The following PARD3B variants were observed in gnomAD, a reference collection of about 807,000 sequenced individuals.
The protein encoded by PARD3B is partitioning defective 3 homolog B.
In PARD3B, 103 loss-of-function variants were observed where a neutral mutation model predicts 130.2. The observed-to-expected ratio is 0.79, with a 90% CI of 0.67 to 0.93. The LOEUF is 0.93. Among genes scored for constraint, PARD3B ranks in the 40% least tolerant of loss-of-function variants. The pLI, the probability that PARD3B is intolerant of heterozygous loss-of-function variation, is 0.00. For synonymous variants in PARD3B, 583 were observed against 553.2 expected (o/e 1.05, Z -0.76); for missense variants, 1,609 against 1,499.2 (o/e 1.07, Z -1.21).
At chr2:204,774,385 C>G (rs2878473) in intron 2 of PARD3B, among the ~76,000 whole-genome samples, 1 of 151,786 alleles carries the variant, frequency 6.6e-6, no homozygotes, top group Non-Finnish European at 1.5e-5. Flanking sequence ...ATGAAAATTC[C>G]AAGAACTAAG....
At chr2:205,092,290 G>A (rs1398231216) in intron 4 of PARD3B, among the ~76,000 whole-genome samples, 1 of 152,168 alleles carries the variant, frequency 6.6e-6, no homozygotes, top group Non-Finnish European at 1.5e-5. Context: ...TTCCAGAGGA[G>A]GAAACAGGAA....
At chr2:204,923,448 TTTAA>T in intron 2 of PARD3B, among the ~76,000 whole-genome samples, 1 of 152,124 alleles carries the variant, frequency 6.6e-6, no homozygotes, top group South Asian at 2.1e-4. Flanking sequence ...CTTTTTAATT[TTTAA>T]TTAGATTTTA....
intron 15 of PARD3B, among the ~76,000 whole-genome samples, chr2:205,213,386 C>T (rs191697283): frequency 7.6e-4 from 115 of 152,144 alleles, no homozygotes; most frequent in Admixed American, 2.7e-3. Flanking sequence ...AGGTTATAAG[C>T]TTCTACAGGT....
intron 22 of PARD3B, among the ~76,000 whole-genome samples, chr2:205,586,796 G>A (rs879286936): frequency 8.5e-5 from 13 of 152,052 alleles, no homozygotes; most frequent in South Asian, 2.1e-4. Context: ...CTAGCATGGC[G>A]TAATAGTTTT....
intron 2 of PARD3B, among the ~76,000 whole-genome samples, chr2:204,861,162 TTC>T (rs60740602): frequency 0.084 from 7,645 of 90,642 alleles, 334 homozygotes; most frequent in Admixed American, 0.12. Flanking sequence ...CCTAATACCT[TTC>T]TCTCTCTCTC....
chr2:205,616,113 A>C lies in PARD3B; in HGVS notation c.*300A>C, dbSNP rs2055425341. 5.7e-6 allele frequency: 2 copies of C among 348,094 alleles called. No homozygotes were observed. Among genetic ancestry groups the C allele is most frequent in the South Asian group, 5.0e-5 (1 of 20,108 alleles). The allele number at this position is 348,094 out of a possible 1,614,324, so 21.6% of individuals were successfully genotyped here. On this transcript the variant is annotated 3_prime_UTR_variant, in exon 23 of 23. Coordinates refer to ENST00000406610, the MANE Select transcript of PARD3B (RefSeq NM_001302769.2). ...AGAGTGGCAACGGAACACACAAACA[A>C]CTAATTATGGAACTCTACTCTGGGG...
chr2:205,312,667 C>A (rs185481551), intron 18 of PARD3B, among the ~76,000 whole-genome samples: 32 of 152,304 alleles, frequency 2.1e-4, no homozygotes, highest in African/African-American at 7.5e-4. Flanking sequence ...CTCTCTTCAG[C>A]CCATCTTAAA....
In PARD3B at chr2:205,210,157, G is replaced by A. The variant is rs565360447; in HGVS notation, c.2140+16837G>A. 4.6e-3 allele frequency among the ~76,000 whole-genome samples: 694 copies of A among 151,802 alleles called. 5 individuals are homozygous for A. The highest frequency in any genetic ancestry group is 0.016 in the African/African-American group (665 of 41,390). On this transcript the variant is annotated intron_variant, in intron 15 of 22. Transcript: ENST00000406610. The stretch of plus-strand genomic sequence containing the variant: ...GCGTTGGGAGGATCGTTTCACCCTG[G>A]GAGTTTGAGACCAGCCTCAGCAACA...
At chr2:205,001,139 C>A (rs1177242677) in intron 3 of PARD3B, among the ~76,000 whole-genome samples, 1 of 152,148 alleles carries the variant, frequency 6.6e-6, no homozygotes, top group East Asian at 1.9e-4. Flanking sequence ...CAGGTGCCTG[C>A]AACCACACCT....
At chr2:204,934,909 TAA>T (rs1688297087) in intron 2 of PARD3B, among the ~76,000 whole-genome samples, 2 of 152,164 alleles carry the variant, frequency 1.3e-5, no homozygotes. Context: ...ATTGATTTAA[TAA>T]TAGAAGAAAA....
Position 205,301,868 on chromosome 2 carries a change from T to G in PARD3B, c.2630+167T>G, listed in dbSNP as rs2042013925. The G allele has an allele frequency of 1.8e-6, 2 of 1,114,662 alleles. No individual in the cohort carries two copies. Among genetic ancestry groups the G allele is most frequent in the Non-Finnish European group, 2.7e-6 (2 of 731,000 alleles). 69.0% of individuals were successfully genotyped at this position (1,114,662 alleles called of 1,614,324 possible). A position where few individuals can be genotyped will look rare whatever the true frequency, so the allele number is the denominator to read the frequency against. ...CTCTTTCTGCAGAGGCAGAGGAGCT[T>G]TTTGGGGAAAGTTACAGTGATGACA... is the stretch of plus-strand genomic sequence containing the variant. On this transcript the variant is annotated intron_variant, in intron 18 of 22. Transcript: ENST00000406610. This position sits in a 1 kb window ranked among gnomAD's most constrained non-coding sequence, Gnocchi z 5.2.
At chr2:205,598,458 G>A (rs1472253354) in intron 22 of PARD3B, among the ~76,000 whole-genome samples, 2 of 151,834 alleles carry the variant, frequency 1.3e-5, no homozygotes, top group Admixed American at 6.6e-5. Flanking sequence ...GGAGCACTCA[G>A]ATTCATAAAA....
intron 3 of PARD3B, among the ~76,000 whole-genome samples, chr2:205,031,207 A>T (rs2125361113): frequency 6.6e-6 from 1 of 152,254 alleles, no homozygotes; most frequent in East Asian, 1.9e-4. Flanking sequence ...AACCTATTTC[A>T]TTTTGAGACC....
intron 2 of PARD3B, among the ~76,000 whole-genome samples, chr2:204,692,655 C>T (rs2037410233): frequency 1.3e-5 from 2 of 151,914 alleles, no homozygotes; most frequent in African/African-American, 4.8e-5. Flanking sequence ...TTCAAAAAGT[C>T]TTACTTTGGT....
At chr2:204,949,669 G>C (rs764539422) in intron 2 of PARD3B, among the ~76,000 whole-genome samples, 19 of 152,128 alleles carry the variant, frequency 1.2e-4, no homozygotes, top group Non-Finnish European at 2.6e-4. Context: ...TCTGACATTA[G>C]TGGTATGCCT....
intron 2 of PARD3B, among the ~76,000 whole-genome samples, chr2:204,962,418 C>G (rs1271751165): frequency 6.6e-6 from 1 of 152,046 alleles, no homozygotes; most frequent in East Asian, 1.9e-4. Context: ...AACACAAAAG[C>G]TTTTTAAATA....
At chr2:205,195,104 G>A (rs930457455) in intron 15 of PARD3B, among the ~76,000 whole-genome samples, 1 of 151,802 alleles carries the variant, frequency 6.6e-6, no homozygotes, top group Non-Finnish European at 1.5e-5. Context: ...CAGCCGTTTT[G>A]TTTACATTTT....
chr2:205,422,897 A>G (rs146979827), intron 19 of PARD3B, among the ~76,000 whole-genome samples: 4 of 151,826 alleles, frequency 2.6e-5, no homozygotes, highest in African/African-American at 7.3e-5. Context: ...GCTCCCATGG[A>G]CAAACAGTCA....
At position 204,798,400 on chromosome 2, in the gene PARD3B, G is replaced by GC. The variant is rs1262020643; in HGVS notation, c.222+112125dup. 9.9e-5 allele frequency among the ~76,000 whole-genome samples: 15 copies of GC among 152,220 alleles called. No homozygotes were observed. The South Asian group carries it at 1.2e-3, about 13-fold the overall frequency. On this transcript the variant is annotated intron_variant, in intron 2 of 22. Coordinates refer to ENST00000406610, the MANE Select transcript of PARD3B (RefSeq NM_001302769.2). Reference sequence around the variant, plus strand: ...TGGTCCATCCCCTGAGCTTCTGCCAGCCCCCCCACAGCAGGCTAAAGCACT... The same window carrying GC: ...TGGTCCATCCCCTGAGCTTCTGCCAGCCCCCCCCACAGCAGGCTAAAGCACT...
Sources: allele counts gnomAD v4.1 joint callset (sites outside exome capture counted in the v4.1 genomes callset), GRCh38; gene constraint gnomAD v4.1.1; non-coding constraint Gnocchi (gnomAD v3.1); transcripts MANE v1.5; gene names NCBI Gene and HGNC (gene_info 2026-07-23, HGNC 2026-07-21).